Variants in PPP2R2B observed in about 807,000 individuals in gnomAD.
PPP2R2B encodes serine/threonine-protein phosphatase 2A 55 kDa regulatory subunit B beta isoform.
Under a neutral mutation model 46.0 loss-of-function variants are expected in PPP2R2B, and 5 were observed. The observed-to-expected ratio is 0.11, with a 90% CI of 0.06 to 0.23. The LOEUF is 0.23. Ranked by LOEUF, PPP2R2B falls within the 10% of genes least tolerant of loss-of-function variation. The pLI, the probability that PPP2R2B is intolerant of heterozygous loss-of-function variation, is 1.00. For missense variants in PPP2R2B, 367 were observed against 575.0 expected (o/e 0.64, Z 3.70); for synonymous variants, 215 against 206.7 (o/e 1.04, Z -0.34).
At chr5:146,725,946 T>C (rs1463574518) in intron 2 of PPP2R2B, among the ~76,000 whole-genome samples, 2 of 152,194 alleles carry the variant, frequency 1.3e-5, no homozygotes, top group African/African-American at 4.8e-5. Flanking sequence ...AAGCTAACTC[T>C]GAGGCACTGA....
intron 2 of PPP2R2B, among the ~76,000 whole-genome samples, chr5:146,761,657 G>A (rs150107073): frequency 6.4e-4 from 97 of 152,150 alleles, no homozygotes; most frequent in African/African-American, 2.2e-3. Flanking sequence ...ATATTTGAGG[G>A]TTGTAACTGT....
intron 2 of PPP2R2B, among the ~76,000 whole-genome samples, chr5:146,729,825 C>T (rs1025489119): frequency 2.6e-5 from 4 of 152,216 alleles, no homozygotes; most frequent in Non-Finnish European, 4.4e-5. Flanking sequence ...CCTGGATGCC[C>T]AGGCAAAAGT....
intron 7 of PPP2R2B, among the ~76,000 whole-genome samples, chr5:146,601,116 G>T (rs926530963): frequency 5.9e-5 from 9 of 152,122 alleles, no homozygotes; most frequent in African/African-American, 2.2e-4. Context: ...CATGTATCAG[G>T]TCTTCATTCT....
At chr5:146,702,299 CT>C (rs1441699307) in intron 2 of PPP2R2B, among the ~76,000 whole-genome samples, 5 of 152,290 alleles carry the variant, frequency 3.3e-5, no homozygotes, top group Admixed American at 2.6e-4. Context: ...TATAACTGTT[CT>C]TTTCCATGTA....
At chr5:146,998,197 TG>T (rs1482929854) in intron 1 of PPP2R2B, among the ~76,000 whole-genome samples, 1 of 152,180 alleles carries the variant, frequency 6.6e-6, no homozygotes, top group Admixed American at 6.5e-5. Context: ...TGTGTTTTGT[TG>T]AGATTGTGTT....
intron 5 of PPP2R2B, among the ~76,000 whole-genome samples, chr5:146,687,021 G>GTATA (rs372048538): frequency 1.1e-4 from 16 of 150,350 alleles, no homozygotes; most frequent in African/African-American, 3.2e-4. Flanking sequence ...GTAAGTGTGT[G>GTATA]TGTATGTGTG....
intron 2 of PPP2R2B, among the ~76,000 whole-genome samples, chr5:146,747,968 G>T (rs150248136): frequency 1.3e-3 from 196 of 152,232 alleles, no homozygotes; most frequent in Non-Finnish European, 2.3e-3. Flanking sequence ...GGTTTAACCC[G>T]AGATGTTCCA....
At chr5:146,859,590 T>A (rs182451954) in intron 2 of PPP2R2B, among the ~76,000 whole-genome samples, 6 of 152,322 alleles carry the variant, frequency 3.9e-5, no homozygotes, top group African/African-American at 1.4e-4. Context: ...CCTACACATG[T>A]ACTTCTAAAC....
At chr5:146,888,026 C>T (rs1020402506) in intron 1 of PPP2R2B, among the ~76,000 whole-genome samples, 2 of 152,052 alleles carry the variant, frequency 1.3e-5, no homozygotes, top group Admixed American at 6.5e-5. Flanking sequence ...ACAGTTTTTT[C>T]ACTGATTCCT....
Position 146,809,719 on chromosome 5 carries a change from G to A in PPP2R2B, c.70+68283C>T, listed in dbSNP as rs181825530. Among the ~76,000 whole-genome samples, 779 of 152,296 alleles carry A rather than the reference G, an allele frequency of 5.1e-3. 6 individuals are homozygous for A. The highest frequency in any genetic ancestry group is 0.033 in the South Asian group (159 of 4,824). ...TAAGGCGTTTGCTACTAAGAACAACGGGAAATGATTGGAGGGTTTGAGGCA... is the reference window on the plus strand; with the variant it reads ...TAAGGCGTTTGCTACTAAGAACAACAGGAAATGATTGGAGGGTTTGAGGCA... On this transcript the variant is annotated intron_variant, in intron 2 of 9. Transcript: ENST00000394411.
chr5:146,778,653 T>A (rs1294888323), intron 2 of PPP2R2B, among the ~76,000 whole-genome samples: 1 of 152,186 alleles, frequency 6.6e-6, no homozygotes, highest in Non-Finnish European at 1.5e-5. Context: ...TCCTTTGTTA[T>A]CATGAGTTTT....
At chr5:146,897,117 G>T (rs1762669676) in intron 1 of PPP2R2B, among the ~76,000 whole-genome samples, 1 of 152,190 alleles carries the variant, frequency 6.6e-6, no homozygotes, top group South Asian at 2.1e-4. Flanking sequence ...GTCATTAAGT[G>T]AACGATGCAT....
intron 1 of PPP2R2B, among the ~76,000 whole-genome samples, chr5:147,047,358 C>A (rs1015691114): frequency 6.6e-6 from 1 of 151,972 alleles, no homozygotes; most frequent in Non-Finnish European, 1.5e-5. Context: ...GCTAATTACC[C>A]TAATCTGGTC....
intron 1 of PPP2R2B, among the ~76,000 whole-genome samples, chr5:146,947,400 C>T (rs759740654): frequency 9.9e-5 from 15 of 152,068 alleles, no homozygotes; most frequent in East Asian, 1.9e-4. Flanking sequence ...GGGACCAGCA[C>T]GTGACTGAAA....
intron 2 of PPP2R2B, among the ~76,000 whole-genome samples, chr5:147,075,131 T>C (rs1172049144): frequency 6.6e-6 from 1 of 152,180 alleles, no homozygotes; most frequent in African/African-American, 2.4e-5. Flanking sequence ...CAAGAAGTTA[T>C]CTGATATCGA....
rs552839873 is a variant in PPP2R2B, at chr5:146,762,126, A to G, written c.71-60984T>C. Reference sequence around the variant, plus strand: ...ATGGAATGATATGATTTCATACAACATGCTCTTGGGACTGGTAGAATTCCT... The same window carrying G: ...ATGGAATGATATGATTTCATACAACGTGCTCTTGGGACTGGTAGAATTCCT... On this transcript the variant is annotated intron_variant, in intron 2 of 9. Transcript: ENST00000394411. 6.6e-5 allele frequency among the ~76,000 whole-genome samples: 10 copies of G among 152,318 alleles called. 1 individual carries two copies. The East Asian group carries it at 1.9e-3, about 29-fold the overall frequency.
chr5:147,022,203 C>A (rs1221718786), intron 1 of PPP2R2B, among the ~76,000 whole-genome samples: 1 of 151,986 alleles, frequency 6.6e-6, no homozygotes, highest in African/African-American at 2.4e-5. Flanking sequence ...GAACATACTG[C>A]AATTGGAGTT....
chr5:146,948,056 C>A (rs1174380788), intron 1 of PPP2R2B, among the ~76,000 whole-genome samples: 1 of 151,888 alleles, frequency 6.6e-6, no homozygotes, highest in Non-Finnish European at 1.5e-5. Flanking sequence ...CCTCTCAAGG[C>A]AAAATTTAAA....
intron 6 of PPP2R2B, among the ~76,000 whole-genome samples, chr5:146,639,540 G>C (rs921293252): frequency 6.6e-6 from 1 of 152,128 alleles, no homozygotes; most frequent in Non-Finnish European, 1.5e-5. Flanking sequence ...GGGGGATCAG[G>C]ACACAGAGGG....
Sources: allele counts gnomAD v4.1 joint callset (sites outside exome capture counted in the v4.1 genomes callset), GRCh38; gene constraint gnomAD v4.1.1; transcripts MANE v1.5; gene names NCBI Gene and HGNC (gene_info 2026-07-23, HGNC 2026-07-21).